Variants in DNM3 observed in about 807,000 individuals in gnomAD.
DNM3 encodes the protein dynamin 3, also known as dynamin-3.
DNM3 carries 47 observed loss-of-function variants against 101.6 expected under a neutral mutation model. The ratio of observed to expected loss-of-function variants is 0.46; its 90% CI spans 0.37 to 0.59. The LOEUF (loss-of-function observed/expected upper bound fraction) is 0.59. Among genes scored for constraint, DNM3 ranks in the 20% least tolerant of loss-of-function variants. The pLI, the probability that DNM3 is intolerant of heterozygous loss-of-function variation, is 0.00. For synonymous variants in DNM3, 385 were observed against 387.9 expected, an observed-to-expected ratio of 0.99 and a Z score of 0.09; for missense variants, 849 against 1,085.7, an observed-to-expected ratio of 0.78 and a Z score of 3.06.
chr1:171,888,002 G>A (rs1356723879), intron 1 of DNM3, among the ~76,000 whole-genome samples: 3 of 150,068 alleles, frequency 2.0e-5, no homozygotes, highest in African/African-American at 7.3e-5. Flanking sequence ...AACCTGTCTT[G>A]TATTTGAATA....
chr1:171,968,952 T>G (rs1323571580), intron 2 of DNM3, among the ~76,000 whole-genome samples: 6 of 152,222 alleles, frequency 3.9e-5, no homozygotes, highest in Non-Finnish European at 8.8e-5. Flanking sequence ...TAGAGATGTC[T>G]CAGATTCTGC....
intron 13 of DNM3, among the ~76,000 whole-genome samples, chr1:172,112,359 T>C (rs2055548612): frequency 6.6e-6 from 1 of 152,220 alleles, no homozygotes; most frequent in Non-Finnish European, 1.5e-5. Context: ...TTTAAACTCA[T>C]GAAGTCCAGC....
In DNM3 at chr1:172,002,269, G is replaced by A. The variant is rs556143809; in HGVS notation, c.589+13121G>A. On this transcript the variant is annotated intron_variant, in intron 4 of 20. Transcript: ENST00000627582. ...ATCAGATTAAAAAATGACTTCATATGTAGCTTATAGAAGCCATGTTTTGAC... is the reference window on the plus strand; with the variant it reads ...ATCAGATTAAAAAATGACTTCATATATAGCTTATAGAAGCCATGTTTTGAC... 3.3e-5 allele frequency among the ~76,000 whole-genome samples: 5 copies of A among 152,168 alleles called. No individual in the cohort carries two copies. The East Asian group carries it at 5.8e-4, about 18-fold the overall frequency.
chr1:172,315,918 C>T (rs1426716556), intron 16 of DNM3, among the ~76,000 whole-genome samples: 1 of 152,072 alleles, frequency 6.6e-6, no homozygotes, highest in Non-Finnish European at 1.5e-5. Flanking sequence ...AGAAGAGCAA[C>T]TCCGAGACAC....
chr1:171,906,637 A>G (rs975047392), intron 1 of DNM3, among the ~76,000 whole-genome samples: 2 of 152,062 alleles, frequency 1.3e-5, no homozygotes, highest in Admixed American at 6.6e-5. Context: ...TTTTTAAGAT[A>G]CCCAATTTAT....
intron 15 of DNM3, among the ~76,000 whole-genome samples, chr1:172,260,925 CCCCT>C (rs2062617919): frequency 6.6e-6 from 1 of 151,260 alleles, no homozygotes; most frequent in South Asian, 2.1e-4. Flanking sequence ...TAATGAATTT[CCCCT>C]CCCTCCCTTT....
intron 15 of DNM3, among the ~76,000 whole-genome samples, chr1:172,301,530 A>G (rs1357073441): frequency 1.3e-5 from 2 of 152,230 alleles, no homozygotes; most frequent in Admixed American, 1.3e-4. Context: ...AAAAACCTTT[A>G]GATCCTGTAA....
intron 10 of DNM3, among the ~76,000 whole-genome samples, chr1:172,063,478 A>T (rs774367742): frequency 6.6e-6 from 1 of 152,052 alleles, no homozygotes; most frequent in Non-Finnish European, 1.5e-5. Flanking sequence ...ACAACATTGG[A>T]CCTTATTAAA....
chr1:172,242,864 C>T (rs2061802222), intron 14 of DNM3, among the ~76,000 whole-genome samples: 1 of 152,166 alleles, frequency 6.6e-6, no homozygotes, highest in African/African-American at 2.4e-5. Context: ...GGTGGTTTCT[C>T]CTCCATTCTT....
rs140087796 is a variant in DNM3, at chr1:172,227,271, GATATATATATATATATATAT to G, written c.1660-26287_1660-26268del. ...TTTTAATGGCTGGATAGTATTTTGTGATATATATATATATATATATATATATATATATATCACATTTTCTT... is the reference window on the plus strand; with the variant it reads ...TTTTAATGGCTGGATAGTATTTTGTGATATATATATATATCACATTTTCTT... On this transcript the variant is annotated intron_variant, in intron 14 of 20. Coordinates refer to ENST00000627582, the MANE Select transcript of DNM3 (RefSeq NM_015569.5). Among the ~76,000 whole-genome samples, 27 of 78,036 alleles carry G rather than the reference GATATATATATATATATATAT, an allele frequency of 3.5e-4. 1 individual carries two copies. Among genetic ancestry groups the G allele is most frequent in the South Asian group, 4.7e-4 (1 of 2,116 alleles). 51.2% of individuals were successfully genotyped at this position (78,036 alleles called of 152,430 possible).
intron 14 of DNM3, among the ~76,000 whole-genome samples, chr1:172,218,228 T>C (rs1221711282): frequency 6.6e-6 from 1 of 152,112 alleles, no homozygotes; most frequent in African/African-American, 2.4e-5. Flanking sequence ...AGCCAGACTC[T>C]TAAGAAAAGC....
chr1:172,152,375 A>G (rs1366980753), intron 14 of DNM3, among the ~76,000 whole-genome samples: 1 of 152,018 alleles, frequency 6.6e-6, no homozygotes, highest in Non-Finnish European at 1.5e-5. Context: ...TTAACAAAGA[A>G]CAAGAAAGCT....
Position 172,379,041 on chromosome 1 carries a change from A to C in DNM3, c.1917A>C (p.Gln639His), listed in dbSNP as rs1358105434. The C allele has an allele frequency of 6.2e-7, 1 of 1,612,210 alleles. No individual in the cohort carries two copies. The highest frequency in any genetic ancestry group is 1.7e-5 in the Admixed American group (1 of 59,764). ...NNKAENDENG[Q>H]AENFSMDPQL... ...AGGCTGAAAATGATGAGAATGGACA[A>C]GCAGAAAACTTTTCCATGGACCCAC... The change falls in exon 18 of 21, where the codon CAA (glutamine) becomes CAC (histidine). Residue 639 changes from glutamine (Q) to histidine (H), a missense_variant. Physicochemically the swap from Gln to His is conservative, Grantham distance 24. Transcript: ENST00000627582.
At chr1:171,970,109 T>C (rs2043882957) in intron 2 of DNM3, 4 of 260,524 alleles carry the variant, frequency 1.5e-5, no homozygotes, top group Non-Finnish European at 2.4e-5. Flanking sequence ...TTGGCATAGA[T>C]AGTTCCTTCC....
At chr1:172,101,015 G>T (rs1251489126) in intron 13 of DNM3, among the ~76,000 whole-genome samples, 1 of 152,196 alleles carries the variant, frequency 6.6e-6, no homozygotes. Flanking sequence ...AGAGAATGAG[G>T]TATACTGATT....
At chr1:172,297,694 T>G (rs1253876272) in intron 15 of DNM3, among the ~76,000 whole-genome samples, 1 of 152,144 alleles carries the variant, frequency 6.6e-6, no homozygotes, top group Non-Finnish European at 1.5e-5. Flanking sequence ...AAATAATTTT[T>G]ACTTTTGGTT....
intron 14 of DNM3, among the ~76,000 whole-genome samples, chr1:172,225,728 G>A (rs1175456343): frequency 1.3e-5 from 2 of 151,768 alleles, no homozygotes; most frequent in East Asian, 3.9e-4. Flanking sequence ...ACTTCAGCCT[G>A]GTGACAGAGA....
At chr1:171,914,366 A>G (rs1047798046) in intron 1 of DNM3, among the ~76,000 whole-genome samples, 8 of 152,160 alleles carry the variant, frequency 5.3e-5, no homozygotes, top group African/African-American at 1.9e-4. Context: ...CATGTTGATC[A>G]GGCTTGTCTT....
At chr1:172,163,300 G>A (rs1435598265) in intron 14 of DNM3, among the ~76,000 whole-genome samples, 1 of 148,700 alleles carries the variant, frequency 6.7e-6, no homozygotes, top group African/African-American at 2.5e-5. Context: ...GTGCAGTGGT[G>A]TGATCTTGGC....
Sources: allele counts gnomAD v4.1 joint callset (sites outside exome capture counted in the v4.1 genomes callset), GRCh38; gene constraint gnomAD v4.1.1; transcripts MANE v1.5; gene names NCBI Gene and HGNC (gene_info 2026-07-23, HGNC 2026-07-21).